The following ARHGAP23 variants were observed in gnomAD, a reference collection of about 807,000 sequenced individuals.
The protein encoded by ARHGAP23 is Rho GTPase activating protein 23.
Under a neutral mutation model 136.3 loss-of-function variants are expected in ARHGAP23, and 34 were observed. The observed-to-expected ratio is 0.25, with a 90% CI of 0.19 to 0.33. The LOEUF (loss-of-function observed/expected upper bound fraction) is 0.33. Among genes scored for constraint, ARHGAP23 ranks in the 10% least tolerant of loss-of-function variants. The pLI is 1.00. For synonymous variants in ARHGAP23, 832 were observed against 920.5 expected, an observed-to-expected ratio of 0.90 and a Z score of 1.74; for missense variants, 1,808 against 2,139.0, an observed-to-expected ratio of 0.85 and a Z score of 3.05.
intron 1 of ARHGAP23, chr17:38,452,300 C>T (rs181784970): frequency 6.6e-6 from 1 of 152,272 alleles, no homozygotes; most frequent in Non-Finnish European, 1.5e-5. Flanking sequence ...CCCCCAACCC[C>T]CTTGCTGGAT....
At chr17:38,473,355 G>A (rs1019060824) in intron 11 of ARHGAP23, among the ~76,000 whole-genome samples, 1 of 152,078 alleles carries the variant, frequency 6.6e-6, no homozygotes, top group Non-Finnish European at 1.5e-5. Flanking sequence ...TTCCTATCCG[G>A]CCACATATCA....
At chr17:38,497,416 G>A (rs572566970) in intron 20 of ARHGAP23, among the ~76,000 whole-genome samples, 1 of 152,314 alleles carries the variant, frequency 6.6e-6, no homozygotes, top group South Asian at 2.1e-4. Flanking sequence ...GTGCCTCCCT[G>A]CCCCCCGGCT....
chr17:38,482,411 G>A (rs539933053), intron 15 of ARHGAP23, 112 bp from the exon 16 acceptor site: 1 of 1,137,008 alleles, frequency 8.8e-7, no homozygotes, highest in African/African-American at 1.6e-5. Context: ...AGGGCCTTTT[G>A]TTCCCCCCAA....
Position 38,463,319 on chromosome 17 carries a change from T to A in ARHGAP23, c.429-9T>A. The stretch of plus-strand genomic sequence containing the variant: ...TTGACCCAGCCTGACGTTCTGCCTG[T>A]CTCTGTAGTGATGACACTCTGGAGC... On this transcript the variant is annotated splice_polypyrimidine_tract_variant and intron_variant, in intron 5 of 23. Coordinates refer to ENST00000622683, the MANE Select transcript of ARHGAP23 (RefSeq NM_001199417.2). 1 of 1,551,682 alleles carries A rather than the reference T, an allele frequency of 6.4e-7. No individual in the cohort carries two copies. Among genetic ancestry groups the A allele is most frequent in the Non-Finnish European group, 8.7e-7 (1 of 1,146,974 alleles).
chr17:38,471,625 G>A (rs150946922), intron 10 of ARHGAP23, among the ~76,000 whole-genome samples: 9 of 152,342 alleles, frequency 5.9e-5, no homozygotes, highest in African/African-American at 1.4e-4. Context: ...GTGGTGAGGC[G>A]TGTGGTCTGC....
At chr17:38,436,218 C>G (rs963414242) in intron 1 of ARHGAP23, among the ~76,000 whole-genome samples, 1 of 152,168 alleles carries the variant, frequency 6.6e-6, no homozygotes, top group Non-Finnish European at 1.5e-5. Flanking sequence ...ACCACACAAC[C>G]AGGCTGGGGT....
intron 23 of ARHGAP23, 122 bp from the exon 24 acceptor site, chr17:38,509,822 G>C: frequency 1.4e-6 from 1 of 731,562 alleles, no homozygotes; most frequent in Non-Finnish European, 1.9e-6. Context: ...GGCCGTGGGT[G>C]CTGGCCTTGG....
intron 14 of ARHGAP23, among the ~76,000 whole-genome samples, chr17:38,480,449 C>T (rs532494836): frequency 3.3e-5 from 5 of 152,176 alleles, no homozygotes; most frequent in South Asian, 4.1e-4. Flanking sequence ...CTGGCTAACA[C>T]GGTGAAACCC....
intron 6 of ARHGAP23, among the ~76,000 whole-genome samples, chr17:38,463,763 A>G (rs1340209424): frequency 6.6e-6 from 1 of 151,988 alleles, no homozygotes; most frequent in Non-Finnish European, 1.5e-5. Context: ...CACACATCGA[A>G]CACTGCTCAG....
At chr17:38,445,243 G>C (rs2144542933) in intron 1 of ARHGAP23, among the ~76,000 whole-genome samples, 1 of 148,504 alleles carries the variant, frequency 6.7e-6, no homozygotes, top group East Asian at 2.0e-4. Context: ...GAGGTGGGCA[G>C]ATCACGAGAT....
At chr17:38,488,076 A>C (rs1192644024) in intron 17 of ARHGAP23, among the ~76,000 whole-genome samples, 1 of 151,888 alleles carries the variant, frequency 6.6e-6, no homozygotes, top group African/African-American at 2.4e-5. Context: ...TAATTAAAAA[A>C]AAATTTTTTT....
chr17:38,448,229 T>C (rs56310581), intron 1 of ARHGAP23, among the ~76,000 whole-genome samples: 5,540 of 151,718 alleles, frequency 0.037, 148 homozygotes, highest in Middle Eastern at 0.082. Context: ...CAGTGGGAGG[T>C]GGGGGTGATG....
intron 1 of ARHGAP23, among the ~76,000 whole-genome samples, chr17:38,433,760 C>G (rs1489799137): frequency 1.3e-5 from 2 of 152,114 alleles, no homozygotes; most frequent in Non-Finnish European, 2.9e-5. Flanking sequence ...GATAGGTAGT[C>G]CTGAGAGGCT....
intron 20 of ARHGAP23, among the ~76,000 whole-genome samples, chr17:38,497,160 A>T (rs1490303750): frequency 6.6e-6 from 1 of 152,178 alleles, no homozygotes; most frequent in Non-Finnish European, 1.5e-5. Flanking sequence ...TTTTATCTTC[A>T]AGATTCTCAA....
intron 12 of ARHGAP23, among the ~76,000 whole-genome samples, chr17:38,479,041 C>A (rs750364793): frequency 1.6e-4 from 24 of 152,186 alleles, no homozygotes; most frequent in Non-Finnish European, 3.2e-4. Context: ...CTCTGGGGGC[C>A]TCTCTTGGCT....
intron 11 of ARHGAP23, among the ~76,000 whole-genome samples, chr17:38,472,513 C>T (rs1017987207): frequency 6.6e-6 from 1 of 151,376 alleles, no homozygotes; most frequent in African/African-American, 2.4e-5. Flanking sequence ...ATGCTGGAGG[C>T]AAGAAGACCA....
At position 38,477,913 on chromosome 17, in the gene ARHGAP23, C is replaced by T; in HGVS notation, c.2436+17C>T. 5.8e-6 allele frequency: 9 copies of T among 1,547,396 alleles called. No individual in the cohort carries two copies. The highest frequency in any genetic ancestry group is 1.2e-5 in the South Asian group (1 of 83,954). Reference sequence around the variant, plus strand: ...GAGGGCGAGGTGAGGGCCCGGCCAGCCCGGCAGCCACAGAGGGCGGGCGGG... The same window carrying T: ...GAGGGCGAGGTGAGGGCCCGGCCAGTCCGGCAGCCACAGAGGGCGGGCGGG... On this transcript the variant is annotated intron_variant, in intron 12 of 23. Transcript: ENST00000622683. This position sits in a 1 kb window ranked among gnomAD's most constrained non-coding sequence, Gnocchi z 6.6.
chr17:38,446,539 C>T (rs1406868418), intron 1 of ARHGAP23, among the ~76,000 whole-genome samples: 2 of 151,748 alleles, frequency 1.3e-5, no homozygotes, highest in African/African-American at 4.8e-5. Context: ...TCTTCTAATC[C>T]CTGCTTTCAG....
intron 1 of ARHGAP23, among the ~76,000 whole-genome samples, chr17:38,449,418 G>A (rs2039108675): frequency 6.6e-6 from 1 of 152,242 alleles, no homozygotes; most frequent in South Asian, 2.1e-4. Context: ...AGGGCGCTGC[G>A]GAGACACAGG....
Sources: gnomAD v4.1 joint callset for allele counts (sites outside exome capture counted in the v4.1 genomes callset) on GRCh38, gnomAD v4.1.1 for gene constraint, Gnocchi (gnomAD v3.1) non-coding constraint, MANE v1.5 for transcripts, NCBI Gene and HGNC (gene_info 2026-07-23, HGNC 2026-07-21) for gene names.